THEMIS: variants seen among roughly 807,000 people sequenced by gnomAD.
THEMIS encodes the protein thymocyte selection associated.
A neutral mutation model predicts 52.6 loss-of-function variants in THEMIS; 37 were observed. The ratio of observed to expected loss-of-function variants is 0.70; its 90% confidence interval spans 0.54 to 0.93. THEMIS has a LOEUF of 0.93. Among genes scored for constraint, THEMIS ranks in the 40% least tolerant of loss-of-function variants. The pLI is 0.00. For synonymous variants in THEMIS, 292 were observed against 272.7 expected (o/e 1.07, Z -0.70); for missense variants, 808 against 763.1 (o/e 1.06, Z -0.69).
intron 4 of THEMIS, among the ~76,000 whole-genome samples, chr6:127,774,033 G>A (rs978105876): frequency 6.6e-6 from 1 of 152,084 alleles, no homozygotes; most frequent in Admixed American, 6.5e-5. Context: ...CTCACTACAC[G>A]CCTGGCACTT....
At chr6:127,909,006 C>A (rs1047313235) in intron 1 of THEMIS, among the ~76,000 whole-genome samples, 11 of 151,686 alleles carry the variant, frequency 7.3e-5, no homozygotes, top group African/African-American at 2.7e-4. Flanking sequence ...AAAAAATCAA[C>A]TTTCCTTTTA....
chr6:127,815,809 G>C (rs1224416558), intron 3 of THEMIS, among the ~76,000 whole-genome samples: 1 of 152,150 alleles, frequency 6.6e-6, no homozygotes, highest in East Asian at 1.9e-4. Context: ...CTAGGGAAGA[G>C]CTAGAGATTA....
At chr6:127,849,495 A>G (rs1016618334) in intron 2 of THEMIS, among the ~76,000 whole-genome samples, 7 of 151,958 alleles carry the variant, frequency 4.6e-5, no homozygotes, top group African/African-American at 1.4e-4. Flanking sequence ...TTCAAATTAT[A>G]CTACAAGGCT....
At chr6:127,832,351 T>C (rs913516208) in intron 2 of THEMIS, among the ~76,000 whole-genome samples, 4 of 152,182 alleles carry the variant, frequency 2.6e-5, no homozygotes, top group African/African-American at 9.7e-5. Context: ...TTTAGCATAC[T>C]AAAGTGGCAC....
intron 2 of THEMIS, among the ~76,000 whole-genome samples, chr6:127,840,909 A>G (rs1381384330): frequency 1.3e-5 from 2 of 152,068 alleles, no homozygotes; most frequent in Non-Finnish European, 2.9e-5. Context: ...AAATATGGAG[A>G]CAGGAAAAGG....
intron 3 of THEMIS, among the ~76,000 whole-genome samples, chr6:127,814,603 A>G (rs1308471065): frequency 6.6e-6 from 1 of 152,154 alleles, no homozygotes; most frequent in Non-Finnish European, 1.5e-5. Flanking sequence ...ATACCTGCCT[A>G]CCAAAGGAGT....
intron 4 of THEMIS, among the ~76,000 whole-genome samples, chr6:127,729,045 C>T (rs1774651947): frequency 6.6e-6 from 1 of 151,926 alleles, no homozygotes; most frequent in African/African-American, 2.4e-5. Context: ...GTTTCCCTAT[C>T]CAAGAGGCTT....
chr6:127,880,812 A>G (rs894369515), intron 1 of THEMIS, among the ~76,000 whole-genome samples: 16 of 152,124 alleles, frequency 1.1e-4, no homozygotes, highest in African/African-American at 3.9e-4. Context: ...TGTCCTAATA[A>G]GTTATTTTTA....
intron 2 of THEMIS, among the ~76,000 whole-genome samples, chr6:127,842,538 T>TA (rs1422683105): frequency 6.6e-6 from 1 of 152,042 alleles, no homozygotes; most frequent in African/African-American, 2.4e-5. Flanking sequence ...TTTTAAGTCT[T>TA]ACGGCTTAAG....
rs552580960 is a variant in THEMIS, at chr6:127,876,727, T to C, written c.92-21539A>G. On this transcript the variant is annotated intron_variant, in intron 1 of 5. Transcript: ENST00000368248. ...TGGATTTAAGAGTTAGTTAAAGATA[T>C]AGTGTGAAAACAAAACTAAACGAAA... is the stretch of plus-strand genomic sequence containing the variant. Among the ~76,000 whole-genome samples the C allele has an allele frequency of 1.5e-4, 23 of 152,322 alleles. 1 individual carries two copies. In the East Asian group the frequency reaches 3.9e-3, roughly 26 times the overall value.
At chr6:127,764,841 CTCTT>C (rs1294524906) in intron 4 of THEMIS, among the ~76,000 whole-genome samples, 6 of 151,986 alleles carry the variant, frequency 3.9e-5, no homozygotes, top group Non-Finnish European at 7.4e-5. Flanking sequence ...TGCTCTCTCT[CTCTT>C]TCCACATTAT....
At chr6:127,847,220 G>A (rs1327220829) in intron 2 of THEMIS, among the ~76,000 whole-genome samples, 4 of 151,946 alleles carry the variant, frequency 2.6e-5, no homozygotes, top group Admixed American at 1.3e-4. Context: ...CTGAGAACTG[G>A]AATAAGACAA....
rs549095394 is a variant in THEMIS at position 127,838,973 on chromosome 6, T to C, written c.251-9039A>G. Among the ~76,000 whole-genome samples, 5 of 152,270 alleles carry C rather than the reference T, an allele frequency of 3.3e-5. No individual in the cohort carries two copies. In the East Asian group the frequency reaches 7.7e-4, roughly 24 times the overall value. ...TCTGTAAGCAACATATAGTACCATT[T>C]ATTATAACTTTGTATCAGACATTAA... On this transcript the variant is annotated intron_variant, in intron 2 of 5. Coordinates refer to ENST00000368248, the MANE Select transcript of THEMIS (RefSeq NM_001010923.3).
At chr6:127,820,487 G>A (rs919711930) in intron 3 of THEMIS, among the ~76,000 whole-genome samples, 7 of 152,134 alleles carry the variant, frequency 4.6e-5, no homozygotes, top group African/African-American at 1.7e-4. Context: ...CTCACTGAAA[G>A]AAGCACTATG....
At chr6:127,889,202 C>T (rs1261765543) in intron 1 of THEMIS, among the ~76,000 whole-genome samples, 1 of 151,956 alleles carries the variant, frequency 6.6e-6, no homozygotes, top group African/African-American at 2.4e-5. Flanking sequence ...GTATCTGTTC[C>T]AAATTATACA....
chr6:127,882,349 A>T (rs879885978), intron 1 of THEMIS, among the ~76,000 whole-genome samples: 1 of 152,044 alleles, frequency 6.6e-6, no homozygotes, highest in South Asian at 2.1e-4. Context: ...CTATTCTGAC[A>T]GTCATTTTAG....
At chr6:127,811,575 G>A (rs1453124754) in intron 4 of THEMIS, among the ~76,000 whole-genome samples, 1 of 152,122 alleles carries the variant, frequency 6.6e-6, no homozygotes, top group African/African-American at 2.4e-5. Flanking sequence ...AAGCACATGT[G>A]CAAAGTCTCT....
intron 1 of THEMIS, among the ~76,000 whole-genome samples, chr6:127,878,413 T>A (rs568819942): frequency 2.0e-5 from 3 of 152,078 alleles, no homozygotes. Context: ...TACATCAAGC[T>A]GACACGTGGC....
At chr6:127,840,994 A>C (rs1393774066) in intron 2 of THEMIS, among the ~76,000 whole-genome samples, 1 of 152,030 alleles carries the variant, frequency 6.6e-6, no homozygotes, top group Non-Finnish European at 1.5e-5. Flanking sequence ...GGGTGGTGAA[A>C]CTATTTTGTA....
Sources: gnomAD v4.1 joint callset for allele counts (sites outside exome capture counted in the v4.1 genomes callset) on GRCh38, gnomAD v4.1.1 for gene constraint, MANE v1.5 for transcripts, NCBI Gene and HGNC (gene_info 2026-07-23, HGNC 2026-07-21) for gene names.